Variants in CXADR observed in about 807,000 individuals in gnomAD.
CXADR encodes CXADR cell adhesion molecule.
CXADR carries 20 observed loss-of-function variants against 40.3 expected under a neutral mutation model. The ratio of observed to expected loss-of-function variants is 0.50; its 90% CI spans 0.35 to 0.72. The LOEUF is 0.72. Ranked by LOEUF, CXADR falls within the 30% of genes least tolerant of loss-of-function variation. CXADR has a pLI of 0.01. For synonymous variants in CXADR, 150 were observed against 161.3 expected, an observed-to-expected ratio of 0.93 and a Z score of 0.53; for missense variants, 332 against 449.1, an observed-to-expected ratio of 0.74 and a Z score of 2.36.
intron 1 of CXADR, among the ~76,000 whole-genome samples, chr21:17,528,636 G>A (rs981419307): frequency 5.4e-5 from 8 of 147,878 alleles, no homozygotes; most frequent in African/African-American, 1.5e-4. Context: ...TTGAACTCCC[G>A]ATCTCAGGTG....
chr21:17,627,858 G>C, the CXADR span, among the ~76,000 whole-genome samples: 1 of 152,182 alleles, frequency 6.6e-6, no homozygotes, highest in Non-Finnish European at 1.5e-5. Flanking sequence ...TAAAAGTATG[G>C]ATGTGTGAAC....
intron 1 of CXADR, among the ~76,000 whole-genome samples, chr21:17,540,872 AT>A (rs2060818113): frequency 6.6e-6 from 1 of 152,174 alleles, no homozygotes; most frequent in Admixed American, 6.5e-5. Context: ...ACCACCGTCA[AT>A]TTTATATTTG....
chr21:17,596,378 T>G (rs767256892), downstream of CXADR, among the ~76,000 whole-genome samples: 2 of 152,042 alleles, frequency 1.3e-5, no homozygotes, highest in African/African-American at 2.4e-5. Flanking sequence ...AAATAAAGAT[T>G]ATATTTCCCT....
the CXADR span, among the ~76,000 whole-genome samples, chr21:17,617,804 G>T: frequency 6.6e-6 from 1 of 151,866 alleles, no homozygotes; most frequent in Non-Finnish European, 1.5e-5. Flanking sequence ...GGGTGGCTGT[G>T]GCAATTAAAA....
intron 7 of CXADR, among the ~76,000 whole-genome samples, chr21:17,583,525 A>G (rs572706386): frequency 6.6e-6 from 1 of 152,284 alleles, no homozygotes; most frequent in African/African-American, 2.4e-5. Flanking sequence ...TACATCATCC[A>G]TTTTAGTATC....
the CXADR span, among the ~76,000 whole-genome samples, chr21:17,617,001 G>A: frequency 6.6e-6 from 1 of 152,138 alleles, no homozygotes; most frequent in African/African-American, 2.4e-5. Context: ...AAACTCTCTT[G>A]ATGAATGAGG....
chr21:17,619,050 C>G, the CXADR span, among the ~76,000 whole-genome samples: 1 of 152,108 alleles, frequency 6.6e-6, no homozygotes, highest in South Asian at 2.1e-4. Flanking sequence ...AGTAGGCTTA[C>G]AATATTCAGT....
chr21:17,628,718 G>GAACTCCTCCTCGAACTCC, the CXADR span, among the ~76,000 whole-genome samples: 1 of 152,144 alleles, frequency 6.6e-6, no homozygotes, highest in African/African-American at 2.4e-5. Context: ...GGCCAGACTG[G>GAACTCCTCCTCGAACTCC]TCTCGAACTC....
the CXADR span, among the ~76,000 whole-genome samples, chr21:17,602,318 C>A: frequency 1.3e-5 from 2 of 152,156 alleles, no homozygotes; most frequent in Admixed American, 1.3e-4. Flanking sequence ...TTTATTCTAT[C>A]AGAGTAAGTG....
chr21:17,626,465 A>G, the CXADR span, among the ~76,000 whole-genome samples: 106 of 152,218 alleles, frequency 7.0e-4, no homozygotes, highest in African/African-American at 2.5e-3. Flanking sequence ...CTTGGGAATC[A>G]ACATTTTTTT....
At position 17,566,780 on chromosome 21, in the gene CXADR, T is replaced by G; in HGVS notation, c.*1088T>G. On this transcript the variant is annotated 3_prime_UTR_variant, in exon 7 of 7. Transcript: ENST00000284878. ...ATTTTTTATCATAAATGCAGAATAA[T>G]CAAATACATTTTAAGCAAGTTAAGT... The G allele has an allele frequency of 2.1e-6, 2 of 965,430 alleles. No homozygotes were observed. 59.8% of individuals were successfully genotyped at this position (965,430 alleles called of 1,614,324 possible). A position where few individuals can be genotyped will look rare whatever the true frequency, so the allele number is the denominator to read the frequency against.
the CXADR span, chr21:17,604,715 A>G: frequency 1.8e-5 from 19 of 1,052,388 alleles, no homozygotes; most frequent in East Asian, 5.2e-4. Flanking sequence ...CACCTCCAGA[A>G]AAGTATTTCA....
intron 1 of CXADR, among the ~76,000 whole-genome samples, chr21:17,541,043 C>T (rs926467216): frequency 3.9e-5 from 6 of 152,040 alleles, no homozygotes; most frequent in Admixed American, 2.6e-4. Flanking sequence ...ACCCCTTTCC[C>T]CCATGCACCA....
intron 1 of CXADR, among the ~76,000 whole-genome samples, chr21:17,538,374 C>T (rs561516424): frequency 3.3e-4 from 50 of 152,162 alleles, no homozygotes; most frequent in African/African-American, 1.2e-3. Flanking sequence ...CTGTATTATA[C>T]TGTGGGAGTG....
intron 7 of CXADR, among the ~76,000 whole-genome samples, chr21:17,588,143 AGTGTAG>A (rs2061410670): frequency 6.6e-6 from 1 of 152,126 alleles, no homozygotes; most frequent in South Asian, 2.1e-4. Flanking sequence ...GTAGGCTTGT[AGTGTAG>A]TTTGAAGTCA....
chr21:17,553,166 A>G (rs2060990987), intron 3 of CXADR, among the ~76,000 whole-genome samples: 1 of 152,100 alleles, frequency 6.6e-6, no homozygotes, highest in Admixed American at 6.5e-5. Flanking sequence ...CAGGTGATCC[A>G]CCCACCTCGG....
the CXADR span, among the ~76,000 whole-genome samples, chr21:17,624,418 C>T: frequency 6.6e-6 from 1 of 152,174 alleles, no homozygotes; most frequent in Non-Finnish European, 1.5e-5. Context: ...CCTGTTTCGT[C>T]ACTGGTGTCA....
chr21:17,569,322 T>C lies in CXADR; in HGVS notation c.*3630T>C, dbSNP rs2061254811. On this transcript the variant is annotated 3_prime_UTR_variant, in exon 7 of 7. Coordinates refer to ENST00000284878, the MANE Select transcript of CXADR (RefSeq NM_001338.5). ...CACATAAAGAGTAGTTTGTAGAAAA[T>C]GTTGGCACAATTTTAACTTCTTAGT... 6.1e-6 allele frequency: 6 copies of C among 985,092 alleles called. No individual in the cohort carries two copies. Among genetic ancestry groups the C allele is most frequent in the African/African-American group, 1.7e-5 (1 of 57,204 alleles). 61.0% of individuals were successfully genotyped at this position (985,092 alleles called of 1,614,324 possible). A position where few individuals can be genotyped will look rare whatever the true frequency, so the allele number is the denominator to read the frequency against.
chr21:17,572,207 C>CAAAA (rs71333561), downstream of CXADR, among the ~76,000 whole-genome samples: 24 of 141,326 alleles, frequency 1.7e-4, no homozygotes, highest in East Asian at 4.8e-3. Flanking sequence ...ACTAAAAATA[C>CAAAA]AAAAAAAAAA....
Sources: allele counts gnomAD v4.1 joint callset (sites outside exome capture counted in the v4.1 genomes callset), GRCh38; gene constraint gnomAD v4.1.1; transcripts MANE v1.5; gene names NCBI Gene and HGNC (gene_info 2026-07-23, HGNC 2026-07-21).